IMMP2L: variants seen among roughly 807,000 people sequenced by gnomAD.
IMMP2L encodes the protein mitochondrial inner membrane protease subunit 2.
A neutral mutation model predicts 19.3 loss-of-function variants in IMMP2L; 18 were observed. The observed-to-expected ratio is 0.93, with a 90% CI of 0.64 to 1.38. The LOEUF is 1.38. Among genes scored for constraint, IMMP2L ranks in the 40% most tolerant of loss-of-function variants. The pLI, the probability that IMMP2L is intolerant of heterozygous loss-of-function variation, is 0.00. For missense variants in IMMP2L, 233 were observed against 218.2 expected, an observed-to-expected ratio of 1.07 and a Z score of -0.43; for synonymous variants, 76 against 73.0, an observed-to-expected ratio of 1.04 and a Z score of -0.21.
intron 3 of IMMP2L, among the ~76,000 whole-genome samples, chr7:111,285,576 C>T (rs1010535587): frequency 6.6e-6 from 1 of 152,122 alleles, no homozygotes; most frequent in Non-Finnish European, 1.5e-5. Context: ...TACATAAATG[C>T]TCATGCAATT....
chr7:111,251,726 C>G (rs967121886), intron 3 of IMMP2L, among the ~76,000 whole-genome samples: 11 of 151,960 alleles, frequency 7.2e-5, no homozygotes, highest in Non-Finnish European at 1.2e-4. Context: ...GGGAATACCA[C>G]GAACTGGGGC....
intron 4 of IMMP2L, among the ~76,000 whole-genome samples, chr7:110,959,366 T>C (rs945248847): frequency 6.6e-6 from 1 of 151,978 alleles, no homozygotes; most frequent in East Asian, 1.9e-4. Flanking sequence ...CTTCTAGTAG[T>C]TGACAGCATA....
At chr7:111,258,495 A>C (rs967334453) in intron 3 of IMMP2L, among the ~76,000 whole-genome samples, 8 of 152,100 alleles carry the variant, frequency 5.3e-5, no homozygotes, top group Non-Finnish European at 8.8e-5. Context: ...GAAGAAAAGC[A>C]TTTTTTAATT....
intron 3 of IMMP2L, among the ~76,000 whole-genome samples, chr7:111,129,886 AATT>A (rs1434834311): frequency 6.6e-6 from 1 of 152,168 alleles, no homozygotes; most frequent in Non-Finnish European, 1.5e-5. Context: ...TTATAAGAAA[AATT>A]ATTAAGAGAA....
intron 3 of IMMP2L, among the ~76,000 whole-genome samples, chr7:111,449,150 T>C (rs1481892835): frequency 2.0e-5 from 3 of 148,816 alleles, no homozygotes; most frequent in African/African-American, 4.9e-5. Context: ...ACTGGTACCA[T>C]TCCTTCTGAA....
At chr7:110,689,522 A>C (rs1403738539) in intron 5 of IMMP2L, among the ~76,000 whole-genome samples, 2 of 151,928 alleles carry the variant, frequency 1.3e-5, no homozygotes, top group African/African-American at 4.8e-5. Flanking sequence ...TATATTTTTC[A>C]TTTCTAAAAG....
intron 3 of IMMP2L, among the ~76,000 whole-genome samples, chr7:111,190,604 G>T (rs1398379101): frequency 1.3e-5 from 2 of 152,046 alleles, no homozygotes; most frequent in Non-Finnish European, 2.9e-5. Context: ...CCACACTTAG[G>T]TCGAAATCCA....
At chr7:111,082,842 T>G (rs1013938066) in intron 3 of IMMP2L, among the ~76,000 whole-genome samples, 39 of 134,152 alleles carry the variant, frequency 2.9e-4, no homozygotes, top group African/African-American at 1.1e-3. Flanking sequence ...GAAAGAAAGA[T>G]AAGCGATTTT....
intron 4 of IMMP2L, among the ~76,000 whole-genome samples, chr7:110,959,568 C>T (rs1363558089): frequency 5.3e-5 from 8 of 151,686 alleles, no homozygotes. Flanking sequence ...TCTTCAGGTG[C>T]CAAAGTTTCA....
intron 5 of IMMP2L, among the ~76,000 whole-genome samples, chr7:110,885,655 G>C (rs1810147463): frequency 6.6e-6 from 1 of 151,758 alleles, no homozygotes; most frequent in African/African-American, 2.4e-5. Flanking sequence ...ACTTATAACG[G>C]GTGACAGATT....
At chr7:111,250,115 G>A (rs981314844) in intron 3 of IMMP2L, among the ~76,000 whole-genome samples, 2 of 152,086 alleles carry the variant, frequency 1.3e-5, no homozygotes, top group African/African-American at 2.4e-5. Context: ...ACCAACAACA[G>A]AAAAGCGGAG....
At chr7:110,748,374 C>T (rs953747018) in intron 5 of IMMP2L, among the ~76,000 whole-genome samples, 1 of 152,128 alleles carries the variant, frequency 6.6e-6, no homozygotes, top group African/African-American at 2.4e-5. Context: ...CATTGACTTT[C>T]TTCACAGAAC....
At chr7:111,160,493 T>C (rs1322225205) in intron 3 of IMMP2L, among the ~76,000 whole-genome samples, 1 of 151,910 alleles carries the variant, frequency 6.6e-6, no homozygotes, top group African/African-American at 2.4e-5. Context: ...ATTTTGCATA[T>C]AAGTGAGTAA....
intron 3 of IMMP2L, among the ~76,000 whole-genome samples, chr7:111,133,509 A>C (rs1329391792): frequency 6.6e-6 from 1 of 152,044 alleles, no homozygotes; most frequent in African/African-American, 2.4e-5. Context: ...AAAGTTCTGA[A>C]GGACAAAGCA....
At chr7:111,111,299 T>C (rs1446691268) in intron 3 of IMMP2L, among the ~76,000 whole-genome samples, 1 of 92,282 alleles carries the variant, frequency 1.1e-5, no homozygotes, top group Admixed American at 1.3e-4. Flanking sequence ...GTAGCAGTTG[T>C]AAAAAAAAAA....
chr7:110,920,751 T>C (rs1814183574), intron 4 of IMMP2L, among the ~76,000 whole-genome samples: 1 of 152,320 alleles, frequency 6.6e-6, no homozygotes, highest in Admixed American at 6.5e-5. Context: ...ATACTACTTC[T>C]TTGCCCCAGT....
intron 3 of IMMP2L, among the ~76,000 whole-genome samples, chr7:111,165,173 ATC>A (rs943179162): frequency 4.6e-5 from 7 of 152,030 alleles, no homozygotes; most frequent in African/African-American, 1.7e-4. Context: ...ATCATACTGT[ATC>A]TCTCTTTCTG....
At chr7:110,714,695 C>A (rs187864422) in intron 5 of IMMP2L, among the ~76,000 whole-genome samples, 2 of 152,276 alleles carry the variant, frequency 1.3e-5, no homozygotes, top group Admixed American at 6.5e-5. Flanking sequence ...CTCCCAGGCT[C>A]AAGCGATTCT....
intron 3 of IMMP2L, among the ~76,000 whole-genome samples, chr7:111,109,878 G>GT (rs1045352032): frequency 3.9e-5 from 6 of 152,192 alleles, no homozygotes; most frequent in African/African-American, 1.4e-4. Context: ...GCTCATGCCT[G>GT]TAATTCCAGC....
Sources: allele counts gnomAD v4.1 joint callset (sites outside exome capture counted in the v4.1 genomes callset), GRCh38; gene constraint gnomAD v4.1.1; transcripts MANE v1.5; gene names NCBI Gene and HGNC (gene_info 2026-07-23, HGNC 2026-07-21).